The following LRRC4C variants were observed in gnomAD, a reference collection of about 807,000 sequenced individuals.
The protein encoded by LRRC4C is leucine rich repeat containing 4C.
Under a neutral mutation model 33.6 loss-of-function variants are expected in LRRC4C, and 5 were observed. That is an observed-to-expected ratio of 0.15 (90% CI 0.08 to 0.31). The LOEUF is 0.31. Among genes scored for constraint, LRRC4C ranks in the 10% least tolerant of loss-of-function variants. LRRC4C has a pLI of 1.00. For missense variants in LRRC4C, 560 were observed against 796.7 expected (o/e 0.70, Z 3.58); for synonymous variants, 329 against 302.0 (o/e 1.09, Z -0.93).
chr11:40,921,932 C>T (rs1486987360), intron 2 of LRRC4C, among the ~76,000 whole-genome samples: 2 of 152,180 alleles, frequency 1.3e-5, no homozygotes, highest in South Asian at 4.1e-4. Context: ...GAATCCTCTA[C>T]TCTGTAATAT....
chr11:41,128,458 T>C (rs567651833), intron 1 of LRRC4C, among the ~76,000 whole-genome samples: 1 of 152,240 alleles, frequency 6.6e-6, no homozygotes, highest in Admixed American at 6.6e-5. Context: ...CAGTGCTTGC[T>C]ACATAGTAGG....
intron 5 of LRRC4C, among the ~76,000 whole-genome samples, chr11:40,181,734 G>A (rs760429437): frequency 6.6e-6 from 1 of 152,194 alleles, no homozygotes; most frequent in Non-Finnish European, 1.5e-5. Flanking sequence ...ACCATGAGGA[G>A]AGAGCTTAAT....
intron 1 of LRRC4C, among the ~76,000 whole-genome samples, chr11:40,987,221 T>C (rs767499898): frequency 1.4e-4 from 21 of 152,188 alleles, no homozygotes; most frequent in Non-Finnish European, 5.9e-5. Flanking sequence ...CCCTTGACCA[T>C]GTCCATAAAA....
chr11:40,693,630 C>G (rs573445950), intron 2 of LRRC4C, among the ~76,000 whole-genome samples: 1 of 151,928 alleles, frequency 6.6e-6, no homozygotes, highest in African/African-American at 2.4e-5. Context: ...GAGAGGTGAG[C>G]CAGATAAACA....
At position 41,245,379 on chromosome 11, in the gene LRRC4C, G is replaced by C. The variant is rs570921741; in HGVS notation, c.-496+214052C>G. 2.2e-3 allele frequency among the ~76,000 whole-genome samples: 330 copies of C among 152,300 alleles called. 2 individuals are homozygous for C. Among genetic ancestry groups the C allele is most frequent in the African/African-American group, 7.6e-3 (315 of 41,570 alleles). On this transcript the variant is annotated intron_variant, in intron 1 of 6. Coordinates refer to ENST00000528697, the MANE Select transcript of LRRC4C (RefSeq NM_001258419.2). ...GAAACAGCGAGGGGTGTGTAAGTGAGGGAGCCTGGGGTCCAGCCACTGTGA... is the reference window on the plus strand; with the variant it reads ...GAAACAGCGAGGGGTGTGTAAGTGACGGAGCCTGGGGTCCAGCCACTGTGA...
chr11:41,137,206 C>T (rs1247198371), intron 1 of LRRC4C, among the ~76,000 whole-genome samples: 3 of 151,924 alleles, frequency 2.0e-5, no homozygotes, highest in Non-Finnish European at 4.4e-5. Context: ...CATGCCACTG[C>T]ACTCCAGCCT....
intron 2 of LRRC4C, among the ~76,000 whole-genome samples, chr11:40,879,088 T>C (rs926434081): frequency 2.6e-5 from 4 of 152,186 alleles, no homozygotes; most frequent in Non-Finnish European, 4.4e-5. Flanking sequence ...AATAGTGTTC[T>C]TGTACAGTGC....
At chr11:41,041,891 G>A (rs947177650) in intron 1 of LRRC4C, among the ~76,000 whole-genome samples, 1 of 152,080 alleles carries the variant, frequency 6.6e-6, no homozygotes, top group Non-Finnish European at 1.5e-5. Context: ...ATCTACTTAA[G>A]TATATGTACA....
At chr11:40,870,826 G>T (rs1337864723) in intron 2 of LRRC4C, among the ~76,000 whole-genome samples, 1 of 152,134 alleles carries the variant, frequency 6.6e-6, no homozygotes, top group Admixed American at 6.6e-5. Flanking sequence ...AAAAGAACAA[G>T]ATGACAGCAA....
chr11:40,317,494 T>C (rs1252426005), intron 4 of LRRC4C, among the ~76,000 whole-genome samples: 1 of 152,114 alleles, frequency 6.6e-6, no homozygotes, highest in East Asian at 1.9e-4. Context: ...TGTCCTGTTC[T>C]TCACCAATTC....
chr11:40,967,101 T>A (rs983066666), intron 1 of LRRC4C, among the ~76,000 whole-genome samples: 2 of 151,866 alleles, frequency 1.3e-5, no homozygotes, highest in African/African-American at 4.8e-5. Context: ...CCAAATTTAG[T>A]TAGCTAATCT....
At chr11:40,684,631 A>C (rs1395758649) in intron 2 of LRRC4C, among the ~76,000 whole-genome samples, 1 of 152,020 alleles carries the variant, frequency 6.6e-6, no homozygotes, top group Non-Finnish European at 1.5e-5. Context: ...ATGCAAAAAA[A>C]GTAAAAATAA....
At chr11:40,767,147 C>T (rs1949513295) in intron 2 of LRRC4C, among the ~76,000 whole-genome samples, 1 of 151,760 alleles carries the variant, frequency 6.6e-6, no homozygotes, top group Non-Finnish European at 1.5e-5. Context: ...ATATTTTATG[C>T]AAATGGAAGC....
intron 2 of LRRC4C, among the ~76,000 whole-genome samples, chr11:40,744,370 A>G (rs1204975787): frequency 6.6e-6 from 1 of 152,172 alleles, no homozygotes; most frequent in Non-Finnish European, 1.5e-5. Flanking sequence ...TAATTCTTGG[A>G]GATATTTAAG....
In LRRC4C at chr11:40,732,068, A is replaced by C. The variant is rs539956715; in HGVS notation, c.-406-83790T>G. 1.1e-3 allele frequency among the ~76,000 whole-genome samples: 160 copies of C among 150,864 alleles called. 1 individual carries two copies. In the Middle Eastern group the frequency reaches 0.014, roughly 13 times the overall value. ...ATATGCAAAAAAAAACCAAAAAAAA[A>C]ACAAAGTTTAAATGCTTATTTTCAA... On this transcript the variant is annotated intron_variant, in intron 2 of 6. Transcript: ENST00000528697.
chr11:41,106,072 T>C (rs1478243954), intron 1 of LRRC4C, among the ~76,000 whole-genome samples: 1 of 152,098 alleles, frequency 6.6e-6, no homozygotes, highest in African/African-American at 2.4e-5. Context: ...CTTAACTGCA[T>C]GGAAACAGGA....
chr11:40,730,346 A>AT (rs778512628), intron 2 of LRRC4C, among the ~76,000 whole-genome samples: 101 of 152,270 alleles, frequency 6.6e-4, no homozygotes, highest in South Asian at 1.0e-3. Flanking sequence ...CAACCACTAC[A>AT]TTTTTTCTGT....
Position 40,658,590 on chromosome 11 carries a change from C to T in LRRC4C, c.-406-10312G>A, listed in dbSNP as rs572328949. On this transcript the variant is annotated intron_variant, in intron 2 of 6. Coordinates refer to ENST00000528697, the MANE Select transcript of LRRC4C (RefSeq NM_001258419.2). The stretch of plus-strand genomic sequence containing the variant: ...TGAGTCTAAGTGTGGGTGTGGCAAT[C>T]GTTGACTGGTGGAAGAGTGCAGGGT... Among the ~76,000 whole-genome samples, 6 of 152,128 alleles carry T rather than the reference C, an allele frequency of 3.9e-5. No homozygotes were observed. In the East Asian group the frequency reaches 5.8e-4, roughly 15 times the overall value.
intron 3 of LRRC4C, among the ~76,000 whole-genome samples, chr11:40,520,597 A>C (rs561201992): frequency 6.6e-6 from 1 of 152,186 alleles, no homozygotes; most frequent in Non-Finnish European, 1.5e-5. Context: ...TGGTACCCCC[A>C]AAATTATAAT....
Sources: allele counts gnomAD v4.1 joint callset (sites outside exome capture counted in the v4.1 genomes callset), GRCh38; gene constraint gnomAD v4.1.1; transcripts MANE v1.5; gene names NCBI Gene and HGNC (gene_info 2026-07-23, HGNC 2026-07-21).